The following KDM6A variants were observed in gnomAD, a reference collection of about 807,000 sequenced individuals.
KDM6A encodes the protein lysine demethylase 6A.
A neutral mutation model predicts 117.6 loss-of-function variants in KDM6A; 11 were observed. The ratio of observed to expected loss-of-function variants is 0.09; its 90% CI spans 0.06 to 0.15. The LOEUF is 0.15. KDM6A is among the 10% of genes least tolerant of loss of function. KDM6A has a pLI of 1.00. For missense variants in KDM6A, 799 were observed against 1,077.3 expected, an observed-to-expected ratio of 0.74 and a Z score of 3.62; for synonymous variants, 384 against 396.1, an observed-to-expected ratio of 0.97 and a Z score of 0.36.
intron 8 of KDM6A, among the ~76,000 whole-genome samples, chrX:45,038,533 C>T (rs1243568548): frequency 6.5e-5 from 7 of 107,531 alleles, no homozygotes; most frequent in Non-Finnish European, 9.6e-5. Context: ...TTGATTAATA[C>T]ACGGTCAAGA....
chrX:44,924,271 C>T (rs1299334094), intron 2 of KDM6A, among the ~76,000 whole-genome samples: 5 of 111,737 alleles, frequency 4.5e-5, no homozygotes, highest in South Asian at 3.7e-4. Flanking sequence ...GTCTTTGATT[C>T]CTGGTACACA....
At chrX:45,087,581 T>C (rs1332635058) in intron 25 of KDM6A, among the ~76,000 whole-genome samples, 1 of 112,043 alleles carries the variant, frequency 8.9e-6, no homozygotes, top group Non-Finnish European at 1.9e-5. Context: ...AGAAAGAACA[T>C]TGTTATATGG....
chrX:44,986,998 A>G lies in KDM6A; in HGVS notation c.384+12283A>G, dbSNP rs745668756. On this transcript the variant is annotated intron_variant, in intron 4 of 29. Coordinates refer to ENST00000611820, the MANE Select transcript of KDM6A (RefSeq NM_001291415.2). ...TTTCTGTCTTGTTGATCTGGCTAAT[A>G]TTGACAGTGGGGTGTTAAAGTCTCC... Among the ~76,000 whole-genome samples the G allele has an allele frequency of 3.2e-3, 356 of 111,197 alleles. 1 individual carries two copies. The highest frequency in any genetic ancestry group is 0.011 in the African/African-American group (328 of 30,549).
At chrX:44,903,533 C>T (rs1602123409) in intron 2 of KDM6A, among the ~76,000 whole-genome samples, 1 of 109,769 alleles carries the variant, frequency 9.1e-6, no homozygotes, top group East Asian at 2.8e-4. Flanking sequence ...AATGTTTTTC[C>T]CCTCTCCTTC....
chrX:44,877,765 T>C (rs926179769), intron 2 of KDM6A, among the ~76,000 whole-genome samples: 2 of 111,014 alleles, frequency 1.8e-5, no homozygotes, highest in East Asian at 5.6e-4. Flanking sequence ...TTGGAAATTT[T>C]TTTGGTAATT....
chrX:45,074,270 C>A (rs977007956), intron 18 of KDM6A, among the ~76,000 whole-genome samples: 11 of 111,036 alleles, frequency 9.9e-5, no homozygotes, highest in Non-Finnish European at 1.7e-4. Flanking sequence ...CTGTTTTGGT[C>A]CAAAATCTGC....
chrX:45,079,016 C>T, intron 20 of KDM6A, 130 bp from the exon 21 acceptor site: 2 of 554,238 alleles, frequency 3.6e-6, no homozygotes, highest in Non-Finnish European at 5.8e-6. Context: ...TGCAGAGGCC[C>T]TAGTTTTTTA....
At chrX:44,976,094 T>C (rs1325076493) in intron 4 of KDM6A, among the ~76,000 whole-genome samples, 1 of 111,866 alleles carries the variant, frequency 8.9e-6, no homozygotes, top group African/African-American at 3.3e-5. Context: ...TTCTTCCTAG[T>C]TGTGAGACAA....
chrX:45,101,881 C>T (rs1308858407), intron 27 of KDM6A, among the ~76,000 whole-genome samples: 1 of 111,261 alleles, frequency 9.0e-6, no homozygotes, highest in Non-Finnish European at 1.9e-5. Context: ...CAAGTCTAAG[C>T]ATTTTATATA....
At chrX:44,953,327 C>T (rs369958163) in intron 2 of KDM6A, among the ~76,000 whole-genome samples, 1 of 111,110 alleles carries the variant, frequency 9.0e-6, no homozygotes, top group Non-Finnish European at 1.9e-5. Context: ...CCTGTCTTTC[C>T]CTTATATTCC....
At chrX:45,027,801 T>A (rs1049085329) in intron 6 of KDM6A, among the ~76,000 whole-genome samples, 1 of 109,618 alleles carries the variant, frequency 9.1e-6, no homozygotes, top group African/African-American at 3.3e-5. Context: ...TGGTACTTTT[T>A]TTTTTTTTTG....
chrX:45,063,804 C>G lies in KDM6A; in HGVS notation c.2066C>G (p.Ser689Cys), dbSNP rs762742775. ...GAGGAGCCGTGGAAAAACCAACTAT[C>G]TAACTCCACTCAGGTAATAGGAGGA... ...SAEEPWKNQL[S>C]NSTQGLHKGQ... The change falls in exon 17 of 30, where the codon TCT becomes TGT. Residue 689 changes from serine (S) to cysteine (C), a missense_variant. By Grantham distance (112) the Ser-to-Cys change is moderately radical. This residue lies in a region of KDM6A where 301 missense variants were observed against 318.3 expected (regional missense o/e 0.95). Transcript: ENST00000611820. The G allele has an allele frequency of 9.2e-6, 11 of 1,195,566 alleles. No individual in the cohort carries two copies. In the East Asian group the frequency reaches 3.0e-4, roughly 33 times the overall value.
intron 2 of KDM6A, among the ~76,000 whole-genome samples, chrX:44,897,042 G>A (rs1217246517): frequency 9.1e-6 from 1 of 109,310 alleles, no homozygotes; most frequent in Non-Finnish European, 1.9e-5. Flanking sequence ...TTATATCTTT[G>A]AATACTTTTT....
At chrX:44,964,414 A>G (rs960336812) in intron 3 of KDM6A, among the ~76,000 whole-genome samples, 2 of 98,851 alleles carry the variant, frequency 2.0e-5, no homozygotes, top group African/African-American at 7.9e-5. Flanking sequence ...GCACCATTGC[A>G]CTCCAGCCTG....
intron 2 of KDM6A, among the ~76,000 whole-genome samples, chrX:44,907,465 GTGT>G (rs1370714492): frequency 1.0e-5 from 1 of 99,944 alleles, no homozygotes; most frequent in African/African-American, 3.9e-5. Context: ...GTGTGTGTGT[GTGT>G]GGTTTTTTTT....
chrX:45,082,234 A>G (rs1372455791), intron 21 of KDM6A, among the ~76,000 whole-genome samples: 2 of 110,357 alleles, frequency 1.8e-5, no homozygotes, highest in African/African-American at 6.6e-5. Context: ...AGCACAGGAG[A>G]CTAGCCTGGG....
At chrX:44,991,331 CTCTCTCTT>C (rs934666389) in intron 4 of KDM6A, among the ~76,000 whole-genome samples, 7 of 109,608 alleles carry the variant, frequency 6.4e-5, no homozygotes, top group Non-Finnish European at 9.5e-5. Context: ...TTCTCTCTCT[CTCTCTCTT>C]TCTCTCTTTC....
chrX:44,899,174 T>C (rs1482334235), intron 2 of KDM6A, among the ~76,000 whole-genome samples: 1 of 96,905 alleles, frequency 1.0e-5, no homozygotes, highest in Non-Finnish European at 2.1e-5. Context: ...TATGCTTGGC[T>C]CCACTGAAAC....
intron 18 of KDM6A, among the ~76,000 whole-genome samples, chrX:45,073,716 G>A (rs1181350518): frequency 9.0e-6 from 1 of 111,692 alleles, no homozygotes; most frequent in Admixed American, 9.5e-5. Context: ...TTTTGGATGG[G>A]GTTGTTTGTT....
Sources: gnomAD v4.1 joint callset for allele counts (sites outside exome capture counted in the v4.1 genomes callset) on GRCh38, gnomAD v4.1.1 for gene constraint, gnomAD v4.1.1 regional missense constraint, MANE v1.5 for transcripts, NCBI Gene and HGNC (gene_info 2026-07-23, HGNC 2026-07-21) for gene names.